Variants in UGGT1 observed in about 807,000 individuals in gnomAD.
UGGT1 encodes the protein UDP-glucose glycoprotein glucosyltransferase 1, also known as UDP-glucose:glycoprotein glucosyltransferase 1.
UGGT1 carries 107 observed loss-of-function variants against 203.9 expected under a neutral mutation model. The observed-to-expected ratio is 0.52, with a 90% CI of 0.45 to 0.62. The LOEUF (loss-of-function observed/expected upper bound fraction) is 0.62. Ranked by LOEUF, UGGT1 falls within the 20% of genes least tolerant of loss-of-function variation. The probability of loss-of-function intolerance (pLI) is 0.00; values close to 1 mark genes in which losing one functional copy is unlikely to be tolerated. For synonymous variants in UGGT1, 628 were observed against 653.5 expected (o/e 0.96, Z 0.59); for missense variants, 1,673 against 1,867.2 (o/e 0.90, Z 1.92).
intron 13 of UGGT1, 135 bp from the exon 14 acceptor site, chr2:128,133,006 C>A: frequency 8.7e-7 from 1 of 1,144,592 alleles, no homozygotes. Context: ...TCACTGCAGC[C>A]AATCTTTTTA....
chr2:128,187,584 A>C lies in UGGT1; in HGVS notation c.4612A>C (p.Lys1538Gln). The C allele has an allele frequency of 6.2e-7, 1 of 1,613,840 alleles. No individual in the cohort carries two copies. The highest frequency in any genetic ancestry group is 1.1e-5 in the South Asian group (1 of 91,032). ...QKEKETGALYKEKTKEPSREG... is the reference protein window; with the variant it reads ...QKEKETGALYQEKTKEPSREG... Reference sequence around the variant, plus strand: ...GGAGAAAGAAACGGGAGCACTGTACAAAGAGAAGACAAAAGAACCAAGCCG... The same window carrying C: ...GGAGAAAGAAACGGGAGCACTGTACCAAGAGAAGACAAAAGAACCAAGCCG... The change falls in exon 40 of 41, where the codon AAA becomes CAA. Residue 1538 changes from lysine (K) to glutamine (Q), a missense_variant. By Grantham distance (53) the Lys-to-Gln change is moderately conservative. Around this residue, in one of 4 missense-constraint regions of UGGT1, gnomAD observed 513 missense variants for 684.1 expected, o/e 0.75. Transcript: ENST00000259253.
intron 2 of UGGT1, among the ~76,000 whole-genome samples, chr2:128,100,029 C>CCA (rs1491402357): frequency 1.0e-4 from 8 of 77,370 alleles, no homozygotes; most frequent in Admixed American, 1.8e-4. Flanking sequence ...CCCCCCCCCC[C>CCA]ACCCTACTTA....
chr2:128,165,635 T>C (rs1208988929), intron 26 of UGGT1, among the ~76,000 whole-genome samples: 2 of 152,146 alleles, frequency 1.3e-5, no homozygotes, highest in Non-Finnish European at 2.9e-5. Context: ...AGGTAGAGGT[T>C]GCAGTGAGCA....
chr2:128,179,966 T>C, intron 35 of UGGT1, 96 bp downstream of exon 35: 7 of 1,123,470 alleles, frequency 6.2e-6, no homozygotes, highest in Non-Finnish European at 8.9e-6. Flanking sequence ...TTTAGCAAAT[T>C]TTCCATTTAC....
In UGGT1 at chr2:128,091,223, C is replaced by T; in HGVS notation, c.-135C>T. On this transcript the variant is annotated 5_prime_UTR_variant, in exon 1 of 41. Transcript: ENST00000259253. ...GCAGCTGGGCAATTGCTTTGCGAGG[C>T]TGGGTGTTGAGTCGAGCCGCGGGAA... The T allele has an allele frequency of 1.0e-6, 1 of 969,160 alleles. No individual in the cohort carries two copies. Among genetic ancestry groups the T allele is most frequent in the South Asian group, 1.7e-5 (1 of 57,300 alleles). The allele number at this position is 969,160 out of a possible 1,614,324, so 60.0% of individuals were successfully genotyped here. A position where few individuals can be genotyped will look rare whatever the true frequency, so the allele number is the denominator to read the frequency against.
chr2:128,177,917 A>T lies in UGGT1; in HGVS notation c.3710A>T (p.Lys1237Ile). 2 of 1,597,470 alleles carry T rather than the reference A, an allele frequency of 1.3e-6. No homozygotes were observed. The highest frequency in any genetic ancestry group is 1.7e-6 in the Non-Finnish European group (2 of 1,172,606). Residue 1237 changes from lysine (K) to isoleucine (I), a missense_variant, in exon 33 of 41, where the codon AAA becomes ATA. Physicochemically the swap from Lys to Ile is moderately radical, Grantham distance 102. Around this residue, in one of 4 missense-constraint regions of UGGT1, gnomAD observed 513 missense variants for 684.1 expected, o/e 0.75. Coordinates refer to ENST00000259253, the MANE Select transcript of UGGT1 (RefSeq NM_020120.4). The stretch of plus-strand genomic sequence containing the variant: ...GAATCTGGATTTTGGGATTCCTTCA[A>T]ATGGTAAGTTGACATTGTAAGAGTT... ...ENESGFWDSF[K>I]WGFTGQKTEE...
At chr2:128,131,314 G>A (rs1266259317) in intron 13 of UGGT1, among the ~76,000 whole-genome samples, 1 of 152,034 alleles carries the variant, frequency 6.6e-6, no homozygotes, top group Non-Finnish European at 1.5e-5. Context: ...AGCACTTTGG[G>A]AGGCCGTGGT....
intron 22 of UGGT1, 95 bp downstream of exon 22, chr2:128,157,441 G>A: frequency 1.1e-6 from 1 of 930,982 alleles, no homozygotes; most frequent in Non-Finnish European, 1.7e-6. Context: ...GTGGGAGTTG[G>A]GAGTCCTGCT....
At chr2:128,169,106 G>A (rs890096258) in intron 26 of UGGT1, among the ~76,000 whole-genome samples, 5 of 141,622 alleles carry the variant, frequency 3.5e-5, no homozygotes, top group Non-Finnish European at 3.0e-5. Flanking sequence ...AGGACCAGGT[G>A]TGGTGGCTTA....
intron 26 of UGGT1, among the ~76,000 whole-genome samples, chr2:128,167,781 C>G (rs907380158): frequency 6.6e-6 from 1 of 152,086 alleles, no homozygotes; most frequent in Non-Finnish European, 1.5e-5. Flanking sequence ...AAATACTCCT[C>G]TTTCCTTGTT....
chr2:128,167,862 G>A (rs1011647455), intron 26 of UGGT1, among the ~76,000 whole-genome samples: 1 of 151,944 alleles, frequency 6.6e-6, no homozygotes, highest in Non-Finnish European at 1.5e-5. Context: ...TCAATTTGTG[G>A]TGTGCCTGTT....
At chr2:128,154,060 T>TACACACAC (rs10597837) in intron 19 of UGGT1, among the ~76,000 whole-genome samples, 117 of 149,794 alleles carry the variant, frequency 7.8e-4, no homozygotes, top group Admixed American at 6.7e-4. Flanking sequence ...CATGTATATA[T>TACACACAC]ACACACACAC....
At chr2:128,183,257 G>A (rs532817913) in intron 37 of UGGT1, among the ~76,000 whole-genome samples, 1 of 152,332 alleles carries the variant, frequency 6.6e-6, no homozygotes, top group African/African-American at 2.4e-5. Context: ...GGGGTTTAGT[G>A]ATGGTGGCTT....
At chr2:128,174,309 GTTT>G (rs536672995) in intron 30 of UGGT1, among the ~76,000 whole-genome samples, 3 of 134,442 alleles carry the variant, frequency 2.2e-5, no homozygotes, top group African/African-American at 2.7e-5. Context: ...TATTGTACTA[GTTT>G]TTTTTTTTTT....
chr2:128,184,121 G>T (rs1369393227), intron 38 of UGGT1, among the ~76,000 whole-genome samples: 1 of 152,042 alleles, frequency 6.6e-6, no homozygotes, highest in Non-Finnish European at 1.5e-5. Flanking sequence ...CTACCTACTA[G>T]GGTCAGTTTG....
chr2:128,113,115 A>G lies in UGGT1; in HGVS notation c.553A>G (p.Arg185Gly). Reference protein sequence around the residue: ...PKPLLFKGDHRYPSSNPESPV... With the variant: ...PKPLLFKGDHGYPSSNPESPV... The stretch of plus-strand genomic sequence containing the variant: ...ACCTTTATTGTTCAAAGGAGATCAC[A>G]GATATCCCTCGTCTAATCCTGAAAG... The change falls in exon 6 of 41, where the codon AGA (arginine) becomes GGA (glycine). Residue 185 changes from arginine to glycine, a missense_variant. By Grantham distance (125) the Arg-to-Gly change is moderately radical. This residue lies in a region of UGGT1 where 1,073 missense variants were observed against 1,078.7 expected (regional missense o/e 0.99). Transcript: ENST00000259253. The G allele has an allele frequency of 6.2e-7, 1 of 1,605,682 alleles. No homozygotes were observed. The highest frequency in any genetic ancestry group is 2.2e-5 in the East Asian group (1 of 44,602).
At position 128,182,214 on chromosome 2, in the gene UGGT1, A is replaced by G. The variant is rs773427976; in HGVS notation, c.4168A>G (p.Arg1390Gly). Residue 1390 changes from arginine (R) to glycine (G), a missense_variant, in exon 37 of 41, where the codon AGA becomes GGA. Physicochemically the swap from Arg to Gly is moderately radical, Grantham distance 125. Transcript: ENST00000259253. Reference sequence around the variant, plus strand: ...TTACACTCCTTTCTGTGACAGCCGAAGAGAAATGGACGGCTACAGGTTCTG... The same window carrying G: ...TTACACTCCTTTCTGTGACAGCCGAGGAGAAATGGACGGCTACAGGTTCTG... ...YGYTPFCDSR[R>G]EMDGYRFWKS... is the part of the protein sequence containing the mutation. The G allele has an allele frequency of 1.2e-6, 2 of 1,614,222 alleles. No homozygotes were observed. The highest frequency in any genetic ancestry group is 1.7e-5 in the Admixed American group (1 of 60,032).
At chr2:128,118,809 C>A (rs112043109) in intron 8 of UGGT1, among the ~76,000 whole-genome samples, 1 of 151,958 alleles carries the variant, frequency 6.6e-6, no homozygotes, top group Non-Finnish European at 1.5e-5. Context: ...CTCCACCTCC[C>A]GAGGCTCAGG....
At chr2:128,114,096 C>T (rs1400209398) in intron 6 of UGGT1, among the ~76,000 whole-genome samples, 1 of 151,264 alleles carries the variant, frequency 6.6e-6, no homozygotes, top group African/African-American at 2.4e-5. Flanking sequence ...TAAGTTCATG[C>T]AAAAAAAATA....
Sources: gnomAD v4.1 joint callset for allele counts (sites outside exome capture counted in the v4.1 genomes callset) on GRCh38, gnomAD v4.1.1 for gene constraint, gnomAD v4.1.1 regional missense constraint, MANE v1.5 for transcripts, NCBI Gene and HGNC (gene_info 2026-07-23, HGNC 2026-07-21) for gene names.